METTL15: variants seen among roughly 807,000 people sequenced by gnomAD.
METTL15 encodes methyltransferase 15, mitochondrial 12S rRNA N4-cytidine.
In METTL15, 34 loss-of-function variants were observed where a neutral mutation model predicts 38.3. The observed-to-expected ratio is 0.89, with a 90% CI of 0.68 to 1.18. The LOEUF (loss-of-function observed/expected upper bound fraction) is 1.18, where lower values mean the gene tolerates loss of function less well. Ranked by LOEUF, METTL15 falls within the 50% of genes most tolerant of loss-of-function variation. The pLI, the probability that METTL15 is intolerant of heterozygous loss-of-function variation, is 0.00. For synonymous variants in METTL15, 162 were observed against 170.9 expected (o/e 0.95, Z 0.41); for missense variants, 438 against 498.4 (o/e 0.88, Z 1.15).
intron 3 of METTL15, among the ~76,000 whole-genome samples, chr11:28,129,088 A>G (rs1852628953): frequency 6.6e-6 from 1 of 152,188 alleles, no homozygotes; most frequent in Non-Finnish European, 1.5e-5. Context: ...TCCTCATAGG[A>G]CATGATGGAG....
At chr11:28,478,696 C>G (rs1477176057) in intron 6 of METTL15, among the ~76,000 whole-genome samples, 1 of 152,140 alleles carries the variant, frequency 6.6e-6, no homozygotes, top group Non-Finnish European at 1.5e-5. Flanking sequence ...TTCACCTCCC[C>G]TTTCTCCAGA....
At chr11:28,195,953 G>A (rs774397639) in intron 3 of METTL15, among the ~76,000 whole-genome samples, 1 of 151,884 alleles carries the variant, frequency 6.6e-6, no homozygotes, top group Non-Finnish European at 1.5e-5. Context: ...TCTTGAATAG[G>A]GTGCCCCTTT....
At chr11:28,144,539 T>C (rs933479475) in intron 3 of METTL15, among the ~76,000 whole-genome samples, 2 of 152,150 alleles carry the variant, frequency 1.3e-5, no homozygotes, top group Non-Finnish European at 2.9e-5. Context: ...TACTGTCTTA[T>C]CAGTTTATGA....
chr11:28,426,960 T>C (rs1850871265), intron 6 of METTL15, among the ~76,000 whole-genome samples: 1 of 152,190 alleles, frequency 6.6e-6, no homozygotes, highest in Admixed American at 6.5e-5. Flanking sequence ...TTGTGAATTT[T>C]TGCTTTTGTT....
chr11:28,434,174 G>C (rs547943814), intron 6 of METTL15, among the ~76,000 whole-genome samples: 1 of 152,202 alleles, frequency 6.6e-6, no homozygotes, highest in South Asian at 2.1e-4. Flanking sequence ...CACGAGATCT[G>C]GTGGTTTTAT....
rs1443413211 is a variant in METTL15 at position 28,330,692 on chromosome 11, G to C, written c.1075G>C (p.Asp359His). ...GATGAAAACATCTCAATTGGGTTCA[G>C]ATCACGAAAACACGGAAGAAGTCTC... Reference protein sequence around the residue: ...QVMKTSQLGSDHENTEEVSMR... With the variant: ...QVMKTSQLGSHHENTEEVSMR... The change falls in exon 7 of 7, where the codon GAT (aspartate) becomes CAT (histidine). Residue 359 changes from aspartate (D) to histidine (H), a missense_variant. By Grantham distance (81) the Asp-to-His change is moderately conservative. Transcript: ENST00000407364. 1.3e-6 allele frequency: 2 copies of C among 1,551,488 alleles called. No homozygotes were observed. Among genetic ancestry groups the C allele is most frequent in the Non-Finnish European group, 1.7e-6 (2 of 1,146,814 alleles).
rs189153244 is a variant in METTL15 at position 28,242,948 on chromosome 11, G to A, written c.407+31750G>A. Among the ~76,000 whole-genome samples the A allele has an allele frequency of 1.9e-3, 282 of 152,090 alleles. 1 individual carries two copies. The highest frequency in any genetic ancestry group is 4.7e-3 in the Admixed American group (72 of 15,278). On this transcript the variant is annotated intron_variant, in intron 4 of 6. Transcript: ENST00000407364. The stretch of plus-strand genomic sequence containing the variant: ...ATGATATAAGTGTCCGTCATTGAGC[G>A]AGTGTTCTTTTGAAAGGTGCTAATA...
chr11:28,396,077 G>A (rs1173358978), intron 5 of METTL15, among the ~76,000 whole-genome samples: 2 of 152,050 alleles, frequency 1.3e-5, no homozygotes, highest in Non-Finnish European at 2.9e-5. Flanking sequence ...CAATAAATTA[G>A]GTATTGATGG....
chr11:28,175,294 T>C (rs913221884), intron 3 of METTL15, among the ~76,000 whole-genome samples: 11 of 152,286 alleles, frequency 7.2e-5, no homozygotes, highest in African/African-American at 2.2e-4. Flanking sequence ...TTTTTATGGC[T>C]GCATAGTATT....
intron 6 of METTL15, among the ~76,000 whole-genome samples, chr11:28,431,057 G>C (rs747035859): frequency 0.88 from 4,008 of 4,532 alleles, 1,941 homozygotes; most frequent in Middle Eastern, 1. Context: ...CCCGGCCAGC[G>C]GCCCCGTCCG....
At chr11:28,280,651 C>T (rs570883549) in intron 4 of METTL15, among the ~76,000 whole-genome samples, 21 of 147,082 alleles carry the variant, frequency 1.4e-4, no homozygotes, top group African/African-American at 5.3e-4. Context: ...TAGGTTTTCT[C>T]ACCATGTCTC....
At chr11:28,144,221 A>G (rs752118745) in intron 3 of METTL15, among the ~76,000 whole-genome samples, 3 of 152,126 alleles carry the variant, frequency 2.0e-5, no homozygotes, top group African/African-American at 7.2e-5. Context: ...AATATTTTCT[A>G]CTTAGCTTAC....
chr11:28,232,268 A>G (rs1011831359), intron 4 of METTL15, among the ~76,000 whole-genome samples: 1 of 151,920 alleles, frequency 6.6e-6, no homozygotes, highest in African/African-American at 2.4e-5. Flanking sequence ...CCTTATTACT[A>G]GCTTTTACTA....
intron 6 of METTL15, among the ~76,000 whole-genome samples, chr11:28,321,384 T>A (rs1197383423): frequency 6.6e-6 from 1 of 152,174 alleles, no homozygotes; most frequent in Non-Finnish European, 1.5e-5. Context: ...CAGTGACATT[T>A]CCATTACACA....
intron 6 of METTL15, among the ~76,000 whole-genome samples, chr11:28,506,152 C>T (rs915095807): frequency 6.6e-6 from 1 of 151,178 alleles, no homozygotes; most frequent in African/African-American, 2.5e-5. Flanking sequence ...TCAGCCTGTA[C>T]TCTCCGCTTG....
intron 6 of METTL15, among the ~76,000 whole-genome samples, chr11:28,479,514 T>C (rs1430972561): frequency 2.0e-5 from 3 of 152,214 alleles, no homozygotes; most frequent in East Asian, 1.9e-4. Context: ...AGTCATACTC[T>C]TATATTCTTG....
chr11:28,312,277 C>A (rs1219006054), intron 6 of METTL15, among the ~76,000 whole-genome samples: 1 of 152,068 alleles, frequency 6.6e-6, no homozygotes, highest in Admixed American at 6.6e-5. Context: ...TATTGTTATT[C>A]ATTAAACTGT....
intron 3 of METTL15, among the ~76,000 whole-genome samples, chr11:28,117,259 G>GTGTGTGTA (rs1353342377): frequency 4.5e-4 from 49 of 108,564 alleles, no homozygotes; most frequent in African/African-American, 1.7e-3. Context: ...GTGTGTGTGT[G>GTGTGTGTA]TATATATATA....
intron 5 of METTL15, among the ~76,000 whole-genome samples, chr11:28,372,443 T>A (rs1181646932): frequency 8.6e-6 from 1 of 116,484 alleles, no homozygotes; most frequent in African/African-American, 3.2e-5. Flanking sequence ...TCTTTTTTTG[T>A]TGTGTTCTTT....
Sources: allele counts gnomAD v4.1 joint callset (sites outside exome capture counted in the v4.1 genomes callset), GRCh38; gene constraint gnomAD v4.1.1; transcripts MANE v1.5; gene names NCBI Gene and HGNC (gene_info 2026-07-23, HGNC 2026-07-21).